CEP83: variants seen among roughly 807,000 people sequenced by gnomAD.
CEP83 encodes centrosomal protein 83.
CEP83 carries 70 observed loss-of-function variants against 101.9 expected under a neutral mutation model. The ratio of observed to expected loss-of-function variants is 0.69; its 90% CI spans 0.57 to 0.84. The LOEUF is 0.84. Among genes scored for constraint, CEP83 ranks in the 40% least tolerant of loss-of-function variants. The probability of loss-of-function intolerance (pLI) is 0.00; values close to 1 mark genes in which losing one functional copy is unlikely to be tolerated. For missense variants in CEP83, 715 were observed against 787.2 expected, an observed-to-expected ratio of 0.91 and a Z score of 1.10; for synonymous variants, 264 against 267.9, an observed-to-expected ratio of 0.99 and a Z score of 0.14.
chr12:94,324,916 A>G (rs2058903115), intron 14 of CEP83, among the ~76,000 whole-genome samples: 1 of 152,182 alleles, frequency 6.6e-6, no homozygotes, highest in Non-Finnish European at 1.5e-5. Context: ...ATAAAAGCTG[A>G]AGTCATGGCA....
intron 6 of CEP83, among the ~76,000 whole-genome samples, chr12:94,381,735 A>C (rs1253493737): frequency 6.6e-6 from 1 of 152,098 alleles, no homozygotes. Context: ...TATTACTTGT[A>C]AAAATAAGTC....
intron 2 of CEP83, among the ~76,000 whole-genome samples, chr12:94,418,247 G>A (rs1476455025): frequency 6.6e-6 from 1 of 152,108 alleles, no homozygotes; most frequent in Non-Finnish European, 1.5e-5. Context: ...CTGTAGTCCA[G>A]CTACTCAGGA....
At chr12:94,267,329 C>T in the CEP83 span, among the ~76,000 whole-genome samples, 10 of 152,278 alleles carry the variant, frequency 6.6e-5, no homozygotes, top group East Asian at 3.9e-4. Flanking sequence ...TACATCTGAA[C>T]GTGTTTTCTC....
At chr12:94,266,938 G>A in the CEP83 span, among the ~76,000 whole-genome samples, 1 of 152,198 alleles carries the variant, frequency 6.6e-6, no homozygotes, top group Non-Finnish European at 1.5e-5. Context: ...GAATCTCTGG[G>A]GAGGGAGCCC....
intron 5 of CEP83, among the ~76,000 whole-genome samples, chr12:94,401,991 G>C (rs1024092591): frequency 1.3e-5 from 2 of 151,980 alleles, no homozygotes; most frequent in African/African-American, 4.8e-5. Context: ...ATTTTGAAGG[G>C]GACAATAATC....
chr12:94,424,241 T>A lies in CEP83; in HGVS notation c.-102+11034A>T, dbSNP rs895513596. On this transcript the variant is annotated intron_variant, in intron 2 of 16. Transcript: ENST00000397809. ...ATAGGTCAAGGCCATGATGCCCATGTCTCCATTCCTTGGCCAAGCCCGTCC... is the reference window on the plus strand; with the variant it reads ...ATAGGTCAAGGCCATGATGCCCATGACTCCATTCCTTGGCCAAGCCCGTCC... 6.2e-6 allele frequency: 10 copies of A among 1,613,742 alleles called. No individual in the cohort carries two copies. The African/African-American group carries it at 1.1e-4, about 17-fold the overall frequency.
At chr12:94,305,976 T>C (rs1347468775), downstream of CEP83, 1 of 152,246 alleles carries the variant, frequency 6.6e-6, no homozygotes. Context: ...GGGCTTTATT[T>C]AAATGAACAG....
intron 2 of CEP83, among the ~76,000 whole-genome samples, chr12:94,422,019 G>A (rs1228414005): frequency 2.0e-5 from 3 of 152,160 alleles, no homozygotes; most frequent in Non-Finnish European, 2.9e-5. Context: ...CTAGATATTT[G>A]CCCTGGCATG....
intron 1 of CEP83, among the ~76,000 whole-genome samples, chr12:94,438,535 G>A (rs1037187775): frequency 2.6e-5 from 4 of 152,050 alleles, no homozygotes; most frequent in South Asian, 2.1e-4. Flanking sequence ...CTGGAGCTCC[G>A]AAATTTATAA....
At chr12:94,310,449 T>C (rs1969677360) in intron 15 of CEP83, among the ~76,000 whole-genome samples, 1 of 152,194 alleles carries the variant, frequency 6.6e-6, no homozygotes. Flanking sequence ...AAGAGTGCCT[T>C]ATCTTACAGA....
chr12:94,446,016 T>C (rs1212450497), intron 1 of CEP83, among the ~76,000 whole-genome samples: 1 of 152,268 alleles, frequency 6.6e-6, no homozygotes, highest in Non-Finnish European at 1.5e-5. Context: ...CAATACTATG[T>C]AGTACAAAAG....
In CEP83 at chr12:94,369,742, T is replaced by C. The variant is rs1448011587; in HGVS notation, c.1048+180A>G. 4 of 438,024 alleles carry C rather than the reference T, an allele frequency of 9.1e-6. 1 individual carries two copies. Among genetic ancestry groups the C allele is most frequent in the Admixed American group, 8.4e-5 (2 of 23,872 alleles). 27.1% of individuals were successfully genotyped at this position (438,024 alleles called of 1,614,324 possible). ...CATAAGACTGATTTTTTTAAAGTTA[T>C]TAAATCTTACAATGAACAAAACACT... On this transcript the variant is annotated intron_variant, in intron 9 of 16. Transcript: ENST00000397809.
intron 6 of CEP83, among the ~76,000 whole-genome samples, chr12:94,395,136 A>C (rs920155068): frequency 2.6e-5 from 4 of 152,000 alleles, no homozygotes; most frequent in African/African-American, 9.7e-5. Flanking sequence ...TACCCAAAGG[A>C]TTATAAATTA....
intron 6 of CEP83, among the ~76,000 whole-genome samples, chr12:94,385,307 C>T (rs537791501): frequency 9.9e-5 from 15 of 152,212 alleles, no homozygotes; most frequent in South Asian, 2.1e-4. Flanking sequence ...ATTGATAACA[C>T]GCAGCTGGGT....
downstream of CEP83, chr12:94,305,243 A>G (rs757286909): frequency 6.2e-7 from 1 of 1,611,408 alleles, no homozygotes; most frequent in East Asian, 2.2e-5. Flanking sequence ...TCTTGCATGT[A>G]AAAGTCTTAT....
intron 2 of CEP83, among the ~76,000 whole-genome samples, chr12:94,423,417 T>C (rs979916183): frequency 6.6e-6 from 1 of 150,460 alleles, no homozygotes; most frequent in Non-Finnish European, 1.5e-5. Context: ...GCCACATTTT[T>C]CCCAATACCT....
At chr12:94,446,829 T>G (rs1189124001) in intron 1 of CEP83, among the ~76,000 whole-genome samples, 1 of 152,106 alleles carries the variant, frequency 6.6e-6, no homozygotes, top group Non-Finnish European at 1.5e-5. Context: ...GAAGAAATAA[T>G]CGCCAAAAAC....
chr12:94,394,081 C>A (rs1177088990), intron 6 of CEP83, among the ~76,000 whole-genome samples: 1 of 152,158 alleles, frequency 6.6e-6, no homozygotes, highest in African/African-American at 2.4e-5. Context: ...CCATCCCCAT[C>A]AAGCTACCAA....
At chr12:94,419,392 A>G (rs2064542230) in intron 2 of CEP83, among the ~76,000 whole-genome samples, 1 of 152,186 alleles carries the variant, frequency 6.6e-6, no homozygotes, top group African/African-American at 2.4e-5. Flanking sequence ...GACTAGGTGT[A>G]TGGATTAGAA....
Sources: gnomAD v4.1 joint callset for allele counts (sites outside exome capture counted in the v4.1 genomes callset) on GRCh38, gnomAD v4.1.1 for gene constraint, MANE v1.5 for transcripts, NCBI Gene and HGNC (gene_info 2026-07-23, HGNC 2026-07-21) for gene names.